The following PEDS1 variants were observed in gnomAD, a reference collection of about 807,000 sequenced individuals.
PEDS1 encodes the protein plasmanylethanolamine desaturase 1, also known as CarF homolog.
Under a neutral mutation model 35.2 loss-of-function variants are expected in PEDS1, and 14 were observed. The ratio of observed to expected loss-of-function variants is 0.40; its 90% CI spans 0.26 to 0.62. The LOEUF is 0.62. PEDS1 is among the 20% of genes least tolerant of loss of function. The probability of loss-of-function intolerance (pLI) is 0.44; values close to 1 mark genes in which losing one functional copy is unlikely to be tolerated. For missense variants in PEDS1, 260 were observed against 367.8 expected, an observed-to-expected ratio of 0.71 and a Z score of 2.40; for synonymous variants, 152 against 152.0, an observed-to-expected ratio of 1.00 and a Z score of 0.00.
intron 1 of PEDS1, among the ~76,000 whole-genome samples, chr20:50,145,819 G>A (rs1373154965): frequency 6.6e-6 from 1 of 152,190 alleles, no homozygotes. Flanking sequence ...TTTATCATGG[G>A]TGTTTAAAAT....
chr20:50,142,495 T>C (rs920037274), intron 2 of PEDS1, among the ~76,000 whole-genome samples: 4 of 152,194 alleles, frequency 2.6e-5, no homozygotes, highest in Non-Finnish European at 2.9e-5. Flanking sequence ...TGAAGTGCTG[T>C]GGCGTGATCT....
intron 1 of PEDS1, among the ~76,000 whole-genome samples, chr20:50,151,801 G>A (rs1158249707): frequency 2.0e-5 from 3 of 152,176 alleles, no homozygotes; most frequent in East Asian, 1.9e-4. Flanking sequence ...GGAGCTTGCA[G>A]TGAGCCGAGA....
At chr20:50,140,944 G>T (rs1322468797) in intron 2 of PEDS1, among the ~76,000 whole-genome samples, 1 of 152,212 alleles carries the variant, frequency 6.6e-6, no homozygotes, top group African/African-American at 2.4e-5. Flanking sequence ...AGAGAAATGT[G>T]TGGGATGGGG....
In PEDS1 at chr20:50,129,720, G is replaced by C. The variant is rs1290040459; in HGVS notation, c.334-30C>G. On this transcript the variant is annotated intron_variant, in intron 3 of 5. Coordinates refer to ENST00000371652, the MANE Select transcript of PEDS1 (RefSeq NM_199129.4). The surrounding 1 kb of genome is among the most constrained non-coding windows in gnomAD (Gnocchi z 4.2). Reference sequence around the variant, plus strand: ...AGTTGAGGGGGACACAGCCCCAGCAGTCAGCCTAAGGTGGTCAGCTGCTCT... The same window carrying C: ...AGTTGAGGGGGACACAGCCCCAGCACTCAGCCTAAGGTGGTCAGCTGCTCT... 6.2e-7 allele frequency: 1 copy of C among 1,612,356 alleles called. No homozygotes were observed. The highest frequency in any genetic ancestry group is 8.5e-7 in the Non-Finnish European group (1 of 1,179,746).
chr20:50,124,697 G>C lies in PEDS1; in HGVS notation c.*361C>G. On this transcript the variant is annotated 3_prime_UTR_variant, in exon 6 of 6. Transcript: ENST00000371652. Reference sequence around the variant, plus strand: ...AGACCACTGGGGCCAGACAAGGAGGGAAAGAGGCAACTCACTGGCCCCAAC... The same window carrying C: ...AGACCACTGGGGCCAGACAAGGAGGCAAAGAGGCAACTCACTGGCCCCAAC... 4.5e-6 allele frequency: 1 copy of C among 219,970 alleles called. No homozygotes were observed. The highest frequency in any genetic ancestry group is 6.7e-5 in the South Asian group (1 of 14,976). The allele number at this position is 219,970 out of a possible 1,614,324, so 13.6% of individuals were successfully genotyped here. A position where few individuals can be genotyped will look rare whatever the true frequency, so the allele number is the denominator to read the frequency against.
At chr20:50,137,882 C>CA (rs895587856) in intron 2 of PEDS1, among the ~76,000 whole-genome samples, 1 of 151,744 alleles carries the variant, frequency 6.6e-6, no homozygotes, top group African/African-American at 2.4e-5. Context: ...AACAAACAAA[C>CA]AAAAAAAACT....
chr20:50,146,138 C>G (rs1204750706), intron 1 of PEDS1, among the ~76,000 whole-genome samples: 1 of 152,182 alleles, frequency 6.6e-6, no homozygotes, highest in East Asian at 1.9e-4. Flanking sequence ...GGGTCAGGGC[C>G]AGAGCAGGTG....
At chr20:50,150,303 C>T (rs541365444) in intron 1 of PEDS1, among the ~76,000 whole-genome samples, 1 of 152,320 alleles carries the variant, frequency 6.6e-6, no homozygotes, top group South Asian at 2.1e-4. Context: ...CCCCAGTAAT[C>T]TCAAACATTC....
chr20:50,130,772 C>G (rs2081169750), intron 3 of PEDS1, 84 bp downstream of exon 3: 12 of 1,528,206 alleles, frequency 7.9e-6, no homozygotes, highest in Non-Finnish European at 1.1e-5. Context: ...GATAGGGAAA[C>G]AGTCTTAGAG....
In PEDS1 at chr20:50,124,875, A is replaced by AT; in HGVS notation, c.*182_*183insA. On this transcript the variant is annotated 3_prime_UTR_variant, in exon 6 of 6. Coordinates refer to ENST00000371652, the MANE Select transcript of PEDS1 (RefSeq NM_199129.4). ...GGAGGGGCCGAGGAAAAAAAAAAAAAAGAAATGAAAAATCAGTGGCTCAAG... is the reference window on the plus strand; with the variant it reads ...GGAGGGGCCGAGGAAAAAAAAAAAAATAGAAATGAAAAATCAGTGGCTCAAG... 1.3e-6 allele frequency: 1 copy of AT among 793,656 alleles called. No individual in the cohort carries two copies. The highest frequency in any genetic ancestry group is 1.9e-6 in the Non-Finnish European group (1 of 518,826). The allele number at this position is 793,656 out of a possible 1,614,324, so 49.2% of individuals were successfully genotyped here.
rs7272219 is a variant in PEDS1 at position 50,142,913 on chromosome 20, C to T, written c.241+589G>A. On this transcript the variant is annotated intron_variant, in intron 2 of 5. Transcript: ENST00000371652. ...AATGTATCTGAGAGCAGGTGACAGA[C>T]GCACAGTCAGGGGGCCAGCGTGGCA... Among the ~76,000 whole-genome samples, 398 of 152,232 alleles carry T rather than the reference C, an allele frequency of 2.6e-3. 3 individuals carry two copies. The highest frequency in any genetic ancestry group is 8.9e-3 in the African/African-American group (371 of 41,536).
chr20:50,127,477 G>A (rs776752904), intron 5 of PEDS1, among the ~76,000 whole-genome samples: 1 of 151,552 alleles, frequency 6.6e-6, no homozygotes, highest in African/African-American at 2.4e-5. Flanking sequence ...GAGTAGCTGG[G>A]ATTACAGGTG....
At chr20:50,148,091 A>AG (rs751597443) in intron 1 of PEDS1, among the ~76,000 whole-genome samples, 16 of 152,194 alleles carry the variant, frequency 1.1e-4, no homozygotes, top group Non-Finnish European at 1.3e-4. Flanking sequence ...CTCCGTCTCC[A>AG]GGGGGAGAAA....
rs1030028990 is a variant in PEDS1 at position 50,119,657 on chromosome 20, G to C, written c.*5401C>G. On this transcript the variant is annotated 3_prime_UTR_variant, in exon 6 of 6. Transcript: ENST00000371652. ...CCTCTGCCTACATAAGGCATTGCAA[G>C]TGTCTTGTCAAAATGATGGCCTCTA... The C allele has an allele frequency of 1.2e-4, 19 of 152,210 alleles. No homozygotes were observed. The highest frequency in any genetic ancestry group is 4.6e-4 in the African/African-American group (19 of 41,442). 9.4% of individuals were successfully genotyped at this position (152,210 alleles called of 1,614,324 possible).
rs1235779562 is a variant in PEDS1 at position 50,119,712 on chromosome 20, T to C, written c.*5346A>G. 6.6e-6 allele frequency: 1 copy of C among 152,154 alleles called. No individual in the cohort carries two copies. The highest frequency in any genetic ancestry group is 1.5e-5 in the Non-Finnish European group (1 of 68,034). The allele number at this position is 152,154 out of a possible 1,614,324, so 9.4% of individuals were successfully genotyped here. Reference sequence around the variant, plus strand: ...GGGGAACTGAGTACCTGAGGGAACATGAATGGGGAGCAATTTACCCTTCAT... The same window carrying C: ...GGGGAACTGAGTACCTGAGGGAACACGAATGGGGAGCAATTTACCCTTCAT... On this transcript the variant is annotated 3_prime_UTR_variant, in exon 6 of 6. Coordinates refer to ENST00000371652, the MANE Select transcript of PEDS1 (RefSeq NM_199129.4).
Position 50,128,857 on chromosome 20 carries a change from T to A in PEDS1, c.479-670A>T, listed in dbSNP as rs2081141926. On this transcript the variant is annotated intron_variant, in intron 4 of 5. Transcript: ENST00000371652. This position sits in a 1 kb window ranked among gnomAD's most constrained non-coding sequence, Gnocchi z 5.2. Reference sequence around the variant, plus strand: ...GGAGACAGGTGGGACCTCCCCTCCATCCCTGGAGAAGCTGGGAGCTGTCAG... The same window carrying A: ...GGAGACAGGTGGGACCTCCCCTCCAACCCTGGAGAAGCTGGGAGCTGTCAG... 6.6e-6 allele frequency among the ~76,000 whole-genome samples: 1 copy of A among 152,068 alleles called. No individual in the cohort carries two copies. Among genetic ancestry groups the A allele is most frequent in the Admixed American group, 6.6e-5 (1 of 15,260 alleles).
At chr20:50,153,355 CGGAA>C (rs2081425610) in intron 1 of PEDS1, among the ~76,000 whole-genome samples, 158 bp downstream of exon 1, 2 of 152,084 alleles carry the variant, frequency 1.3e-5, no homozygotes, top group South Asian at 4.1e-4. Context: ...GGCTTGGGTT[CGGAA>C]GGGACACTGG....
intron 1 of PEDS1, among the ~76,000 whole-genome samples, chr20:50,144,191 A>G (rs929646338): frequency 6.6e-6 from 1 of 152,212 alleles, no homozygotes; most frequent in African/African-American, 2.4e-5. Flanking sequence ...TGACAGACCA[A>G]TTCTTTGACA....
In PEDS1 at chr20:50,145,694, G is replaced by GA. The variant is rs979572655; in HGVS notation, c.122-2074dup. Among the ~76,000 whole-genome samples, 56 of 145,102 alleles carry GA rather than the reference G, an allele frequency of 3.9e-4. 1 individual carries two copies. The South Asian group carries it at 5.0e-3, about 13-fold the overall frequency. The stretch of plus-strand genomic sequence containing the variant: ...TGACAAGAGTAAAACTCCATCTCAA[G>GA]AAAAAAAAAAATTAAAGGAAATAAA... On this transcript the variant is annotated intron_variant, in intron 1 of 5. Coordinates refer to ENST00000371652, the MANE Select transcript of PEDS1 (RefSeq NM_199129.4).
Sources: gnomAD v4.1 joint callset for allele counts (sites outside exome capture counted in the v4.1 genomes callset) on GRCh38, gnomAD v4.1.1 for gene constraint, Gnocchi (gnomAD v3.1) non-coding constraint, MANE v1.5 for transcripts, NCBI Gene and HGNC (gene_info 2026-07-23, HGNC 2026-07-21) for gene names.